LRRC49: variants seen among roughly 807,000 people sequenced by gnomAD.
LRRC49 encodes the protein leucine rich repeat containing 49.
A neutral mutation model predicts 83.3 loss-of-function variants in LRRC49; 50 were observed. The observed-to-expected ratio is 0.60, with a 90% CI of 0.48 to 0.76. The LOEUF (loss-of-function observed/expected upper bound fraction) is 0.76. Ranked by LOEUF, LRRC49 falls within the 30% of genes least tolerant of loss-of-function variation. LRRC49 has a pLI of 0.00. For synonymous variants in LRRC49, 286 were observed against 283.3 expected (o/e 1.01, Z -0.10); for missense variants, 704 against 809.1 (o/e 0.87, Z 1.58).
intron 8 of LRRC49, among the ~76,000 whole-genome samples, chr15:70,961,086 A>G (rs2036587360): frequency 6.6e-6 from 1 of 152,214 alleles, no homozygotes; most frequent in Admixed American, 6.5e-5. Flanking sequence ...CCACAGTAAG[A>G]GAAGAAAGAA....
At chr15:70,958,969 A>T (rs1338543743) in intron 8 of LRRC49, among the ~76,000 whole-genome samples, 1 of 152,200 alleles carries the variant, frequency 6.6e-6, no homozygotes, top group Non-Finnish European at 1.5e-5. Context: ...TTTCTATACC[A>T]TGAATATTCT....
At chr15:70,926,100 T>G (rs2141141651) in intron 7 of LRRC49, among the ~76,000 whole-genome samples, 1 of 152,348 alleles carries the variant, frequency 6.6e-6, no homozygotes, top group East Asian at 1.9e-4. Flanking sequence ...TGCATATCAG[T>G]AGTTTAAAAA....
chr15:71,028,528 T>A (rs2039246824), intron 14 of LRRC49, among the ~76,000 whole-genome samples: 1 of 152,214 alleles, frequency 6.6e-6, no homozygotes, highest in Admixed American at 6.5e-5. Context: ...TGCTACCGGC[T>A]CCTCTTTGTA....
chr15:70,920,425 T>C (rs1454082436), intron 7 of LRRC49, among the ~76,000 whole-genome samples: 2 of 152,222 alleles, frequency 1.3e-5, no homozygotes, highest in Non-Finnish European at 2.9e-5. Context: ...GATACAATAC[T>C]GGAACTGGAC....
At chr15:70,974,388 A>G (rs1596085703) in intron 9 of LRRC49, among the ~76,000 whole-genome samples, 1 of 152,228 alleles carries the variant, frequency 6.6e-6, no homozygotes, top group Admixed American at 6.5e-5. Context: ...TGATTCAAGT[A>G]TACTTACAGA....
chr15:70,894,071 A>AT (rs1486421745), intron 2 of LRRC49, among the ~76,000 whole-genome samples: 1 of 151,894 alleles, frequency 6.6e-6, no homozygotes, highest in East Asian at 1.9e-4. Flanking sequence ...ATATTTTTGT[A>AT]TTTTTTGTAG....
intron 14 of LRRC49, among the ~76,000 whole-genome samples, chr15:71,031,335 A>G (rs1393589473): frequency 3.9e-5 from 6 of 152,248 alleles, no homozygotes; most frequent in African/African-American, 1.4e-4. Flanking sequence ...GCTGCAGAAC[A>G]GCAAAGATTG....
At position 71,050,463 on chromosome 15, in the gene LRRC49, C is replaced by A. The variant is rs540885030; in HGVS notation, c.*851C>A. ...TGAAGGGTTCTAATTTTTAAAATTT[C>A]ATTTGAAGATCAAATTCATGCTGGT... On this transcript the variant is annotated 3_prime_UTR_variant, in exon 16 of 16. Coordinates refer to ENST00000260382, the MANE Select transcript of LRRC49 (RefSeq NM_017691.5). 2 of 152,164 alleles carry A rather than the reference C, an allele frequency of 1.3e-5. No individual in the cohort carries two copies. The highest frequency in any genetic ancestry group is 1.3e-4 in the Admixed American group (2 of 15,282). 9.4% of individuals were successfully genotyped at this position (152,164 alleles called of 1,614,324 possible). A position where few individuals can be genotyped will look rare whatever the true frequency, so the allele number is the denominator to read the frequency against.
chr15:70,890,182 T>A (rs567166894), upstream of LRRC49, among the ~76,000 whole-genome samples: 2 of 152,306 alleles, frequency 1.3e-5, no homozygotes, highest in Admixed American at 6.5e-5. Context: ...GGTTGTGTAA[T>A]TATGAAGAAG....
At chr15:71,043,341 A>G (rs993311097) in intron 15 of LRRC49, among the ~76,000 whole-genome samples, 1 of 152,232 alleles carries the variant, frequency 6.6e-6, no homozygotes, top group African/African-American at 2.4e-5. Context: ...ATTCTAGTTT[A>G]ATGAAATAAT....
At chr15:70,866,912 G>A (rs1373119633) in intron 1 of LRRC49, among the ~76,000 whole-genome samples, 1 of 151,958 alleles carries the variant, frequency 6.6e-6, no homozygotes, top group African/African-American at 2.4e-5. Flanking sequence ...GTATAATTAT[G>A]AACCTGGCCT....
At chr15:70,858,605 A>G (rs541383141) in intron 1 of LRRC49, 32 of 515,308 alleles carry the variant, frequency 6.2e-5, no homozygotes, top group East Asian at 4.6e-4. Flanking sequence ...CTTGGTCTCA[A>G]TTAAAAACAA....
chr15:70,966,582 G>A (rs1035728835), intron 9 of LRRC49, among the ~76,000 whole-genome samples: 5 of 152,078 alleles, frequency 3.3e-5, no homozygotes, highest in Non-Finnish European at 7.4e-5. Flanking sequence ...ATAAGTAGTT[G>A]TGGTTATTTA....
chr15:70,881,970 T>C (rs1442189477), intron 2 of LRRC49: 1 of 153,122 alleles, frequency 6.5e-6, no homozygotes, highest in Non-Finnish European at 1.5e-5. Flanking sequence ...ACATAAAAAA[T>C]AGTCAAGGGT....
chr15:71,041,648 G>T (rs1301483291), intron 15 of LRRC49, among the ~76,000 whole-genome samples: 1 of 152,174 alleles, frequency 6.6e-6, no homozygotes. Flanking sequence ...CCATGTTTTA[G>T]ATAAGAAGAA....
chr15:70,975,106 A>G (rs1257429331), intron 9 of LRRC49, among the ~76,000 whole-genome samples: 2 of 152,226 alleles, frequency 1.3e-5, no homozygotes, highest in Non-Finnish European at 2.9e-5. Flanking sequence ...AGACAGTCCC[A>G]TCCCATTTTT....
At chr15:70,917,278 C>T (rs1322195221) in intron 6 of LRRC49, among the ~76,000 whole-genome samples, 1 of 152,204 alleles carries the variant, frequency 6.6e-6, no homozygotes, top group Non-Finnish European at 1.5e-5. Context: ...CTGGTGACTC[C>T]CTACCTTCAG....
At chr15:70,963,325 T>G (rs1436580630) in intron 8 of LRRC49, among the ~76,000 whole-genome samples, 1 of 143,534 alleles carries the variant, frequency 7.0e-6, no homozygotes, top group Admixed American at 6.9e-5. Context: ...CATCTAATCA[T>G]GAGAAAAATA....
chr15:70,858,526 C>T (rs965528548), intron 1 of LRRC49, among the ~76,000 whole-genome samples: 1 of 152,220 alleles, frequency 6.6e-6, no homozygotes, highest in African/African-American at 2.4e-5. Flanking sequence ...ATCGCTTGAA[C>T]CCGGGACGTG....
Sources: gnomAD v4.1 joint callset for allele counts (sites outside exome capture counted in the v4.1 genomes callset) on GRCh38, gnomAD v4.1.1 for gene constraint, MANE v1.5 for transcripts, NCBI Gene and HGNC (gene_info 2026-07-23, HGNC 2026-07-21) for gene names.